Variants in BMP5 observed in about 807,000 individuals in gnomAD.
BMP5 encodes bone morphogenetic protein 5.
Under a neutral mutation model 46.6 loss-of-function variants are expected in BMP5, and 23 were observed. The observed-to-expected ratio is 0.49, with a 90% confidence interval of 0.35 to 0.70. BMP5 has a LOEUF of 0.70. Among genes scored for constraint, BMP5 ranks in the 30% least tolerant of loss-of-function variants. The pLI is 0.00. For missense variants in BMP5, 545 were observed against 565.6 expected (o/e 0.96, Z 0.37); for synonymous variants, 204 against 191.9 (o/e 1.06, Z -0.52).
At chr6:55,789,346 A>G (rs1272064921) in intron 3 of BMP5, among the ~76,000 whole-genome samples, 1 of 151,954 alleles carries the variant, frequency 6.6e-6, no homozygotes, top group East Asian at 1.9e-4. Context: ...CAATCTCTAA[A>G]TTATTCTATA....
intron 1 of BMP5, among the ~76,000 whole-genome samples, chr6:55,823,267 A>C: frequency 6.6e-6 from 1 of 152,130 alleles, no homozygotes; most frequent in East Asian, 1.9e-4. Context: ...GTACACAAAA[A>C]AGTGAAGAAC....
At chr6:55,853,238 A>T (rs2127550673) in intron 1 of BMP5, among the ~76,000 whole-genome samples, 1 of 150,870 alleles carries the variant, frequency 6.6e-6, no homozygotes, top group Non-Finnish European at 1.5e-5. Context: ...ACAATAAAAT[A>T]AAATTTGTTG....
At chr6:55,800,990 A>G (rs1277951859) in intron 2 of BMP5, among the ~76,000 whole-genome samples, 1 of 152,216 alleles carries the variant, frequency 6.6e-6, no homozygotes, top group Non-Finnish European at 1.5e-5. Context: ...CCACTAGCCT[A>G]AAACAAGTTG....
chr6:55,779,837 T>C (rs1222234423), intron 3 of BMP5, among the ~76,000 whole-genome samples: 2 of 151,682 alleles, frequency 1.3e-5, no homozygotes, highest in Non-Finnish European at 2.9e-5. Context: ...CGTTCCTCCT[T>C]ATTACTTTCT....
In BMP5 at chr6:55,760,469, A is replaced by G; in HGVS notation, c.1092T>C (p.Asp364=). ...KKHELYVSFR[D]LGWQDWIIAP... is the part of the protein sequence containing the mutation. ...TGAAAATTCCTACCTGCCATCCCAGATCCCGGAAGCTCACATAGAGTTCGT... is the reference window on the plus strand; with the variant it reads ...TGAAAATTCCTACCTGCCATCCCAGGTCCCGGAAGCTCACATAGAGTTCGT... The change falls in exon 5 of 7, where the codon GAT becomes GAC. Residue 364 remains aspartate (D), a synonymous_variant. Transcript: ENST00000370830. 6.2e-7 allele frequency: 1 copy of G among 1,613,152 alleles called. No homozygotes were observed. The highest frequency in any genetic ancestry group is 1.1e-5 in the South Asian group (1 of 91,068).
chr6:55,761,642 G>A (rs561454994), intron 4 of BMP5, among the ~76,000 whole-genome samples: 1 of 152,038 alleles, frequency 6.6e-6, no homozygotes, highest in Admixed American at 6.6e-5. Context: ...GCATCTTCAT[G>A]TCCTTGCTTA....
At chr6:55,780,742 G>T (rs533153526) in intron 3 of BMP5, among the ~76,000 whole-genome samples, 4 of 151,998 alleles carry the variant, frequency 2.6e-5, no homozygotes, top group Non-Finnish European at 5.9e-5. Context: ...TCATGCAGGG[G>T]GAGAAACACA....
chr6:55,756,898 T>A (rs1456790397), intron 6 of BMP5, among the ~76,000 whole-genome samples: 3 of 151,906 alleles, frequency 2.0e-5, no homozygotes, highest in African/African-American at 7.2e-5. Flanking sequence ...TCTTGAATGG[T>A]TTCTCAATAT....
At chr6:55,868,140 A>G (rs2127555774) in intron 1 of BMP5, among the ~76,000 whole-genome samples, 1 of 152,308 alleles carries the variant, frequency 6.6e-6, no homozygotes, top group South Asian at 2.1e-4. Flanking sequence ...TGTACATGTT[A>G]ATAAATCTTT....
At chr6:55,854,685 C>T (rs553072513) in intron 1 of BMP5, among the ~76,000 whole-genome samples, 1 of 152,118 alleles carries the variant, frequency 6.6e-6, no homozygotes, top group Admixed American at 6.5e-5. Flanking sequence ...AGATTAGTTT[C>T]CTAATTTTAC....
intron 3 of BMP5, among the ~76,000 whole-genome samples, chr6:55,789,179 C>T (rs897776609): frequency 1.3e-5 from 2 of 151,646 alleles, no homozygotes; most frequent in Admixed American, 6.6e-5. Flanking sequence ...CAGAAACATA[C>T]GGATTGAATT....
At chr6:55,757,313 A>G (rs1464512977) in intron 6 of BMP5, among the ~76,000 whole-genome samples, 1 of 151,964 alleles carries the variant, frequency 6.6e-6, no homozygotes, top group African/African-American at 2.4e-5. Context: ...AATGATGATA[A>G]AAAGAGGCAA....
Position 55,784,985 on chromosome 6 carries a change from C to A in BMP5, c.832+9294G>T, listed in dbSNP as rs576563282. 5.9e-5 allele frequency among the ~76,000 whole-genome samples: 9 copies of A among 151,864 alleles called. No individual in the cohort carries two copies. In the South Asian group the frequency reaches 1.9e-3, roughly 31 times the overall value. On this transcript the variant is annotated intron_variant, in intron 3 of 6. Transcript: ENST00000370830. Reference sequence around the variant, plus strand: ...ATGGGTTAAGAAGAAGTAGATATTTCATTTAAAGAGCTTAGCAAAATGGTT... The same window carrying A: ...ATGGGTTAAGAAGAAGTAGATATTTAATTTAAAGAGCTTAGCAAAATGGTT...
intron 2 of BMP5, among the ~76,000 whole-genome samples, chr6:55,803,148 G>T (rs528076190): frequency 8.7e-4 from 119 of 137,304 alleles, no homozygotes; most frequent in African/African-American, 2.9e-3. Flanking sequence ...TAGCTGGGGT[G>T]GGGGGGTGGG....
In BMP5 at chr6:55,819,866, T is replaced by G; in HGVS notation, c.491-19A>C. The G allele has an allele frequency of 6.2e-7, 1 of 1,602,416 alleles. No homozygotes were observed. The highest frequency in any genetic ancestry group is 8.5e-7 in the Non-Finnish European group (1 of 1,170,254). ...CTTTCAACTGAAAAAATAAAGGGGG[T>G]TGAGGGGGAAAAAAGTTAGTCTTTT... On this transcript the variant is annotated intron_variant, in intron 1 of 6. Coordinates refer to ENST00000370830, the MANE Select transcript of BMP5 (RefSeq NM_021073.4).
At chr6:55,865,887 G>C (rs929312334) in intron 1 of BMP5, among the ~76,000 whole-genome samples, 1 of 152,116 alleles carries the variant, frequency 6.6e-6, no homozygotes, top group Non-Finnish European at 1.5e-5. Context: ...TTTGCTCAAG[G>C]ATACGCAGCT....
intron 2 of BMP5, among the ~76,000 whole-genome samples, chr6:55,819,061 T>C (rs1453520854): frequency 1.3e-5 from 2 of 152,120 alleles, no homozygotes; most frequent in Non-Finnish European, 1.5e-5. Context: ...TTTCTGCATT[T>C]TGTTAAATAT....
intron 2 of BMP5, among the ~76,000 whole-genome samples, chr6:55,796,651 TC>T (rs1335086998): frequency 2.5e-5 from 2 of 79,416 alleles, no homozygotes; most frequent in African/African-American, 4.9e-5. Context: ...CCCTTCCCCC[TC>T]CCCCCACCCC....
At chr6:55,822,595 CA>C (rs1297184383) in intron 1 of BMP5, among the ~76,000 whole-genome samples, 2 of 151,992 alleles carry the variant, frequency 1.3e-5, no homozygotes, top group East Asian at 1.9e-4. Context: ...AAATTTTAAC[CA>C]AAAAGCAACA....
Sources: gnomAD v4.1 joint callset for allele counts (sites outside exome capture counted in the v4.1 genomes callset) on GRCh38, gnomAD v4.1.1 for gene constraint, MANE v1.5 for transcripts, NCBI Gene and HGNC (gene_info 2026-07-23, HGNC 2026-07-21) for gene names.